C8orf82: variants seen among roughly 807,000 people sequenced by gnomAD.
The protein encoded by C8orf82 is chromosome 8 open reading frame 82, also known as UPF0598 protein C8orf82.
A neutral mutation model predicts 15.0 loss-of-function variants in C8orf82; 24 were observed. That is an observed-to-expected ratio of 1.60 (90% CI 1.16 to 2.24). The LOEUF is 2.24. C8orf82 is among the 30% of genes most tolerant of loss of function. The probability of loss-of-function intolerance (pLI) is 0.00; values close to 1 mark genes in which losing one functional copy is unlikely to be tolerated. For missense variants in C8orf82, 388 were observed against 317.4 expected, an observed-to-expected ratio of 1.22 and a Z score of -1.69; for synonymous variants, 205 against 152.2, an observed-to-expected ratio of 1.35 and a Z score of -2.55.
Position 144,527,206 on chromosome 8 carries a change from CG to C in C8orf82, c.*135del. ...GCCGCGGCAGCACCAAGGACAGCGC[CG>C]GGTGGGGGCGGGGCCGAGCGCGCAG... On this transcript the variant is annotated 3_prime_UTR_variant, in exon 3 of 3. Transcript: ENST00000524821. 1 of 524,080 alleles carries C rather than the reference CG, an allele frequency of 1.9e-6. No homozygotes were observed. Among genetic ancestry groups the C allele is most frequent in the Non-Finnish European group, 2.6e-6 (1 of 378,280 alleles). 32.5% of individuals were successfully genotyped at this position (524,080 alleles called of 1,614,324 possible).
chr8:144,527,484 G>A lies in C8orf82; in HGVS notation c.509C>T (p.Ser170Phe), dbSNP rs1816412381. Reference protein sequence around the residue: ...ERAGGVGLVRSALAFELSACF... With the variant: ...ERAGGVGLVRFALAFELSACF... ...GGCGCTGAGCTCGAAGGCCAGGGCG[G>A]AGCGCACCAGGCCCACGCCGCCCGC... The change falls in exon 3 of 3, where the codon TCC becomes TTC. Residue 170 changes from serine to phenylalanine, a missense_variant. Transcript: ENST00000524821. 2.4e-6 allele frequency: 3 copies of A among 1,259,940 alleles called. No individual in the cohort carries two copies. The highest frequency in any genetic ancestry group is 3.0e-6 in the Non-Finnish European group (3 of 1,001,316). The allele number at this position is 1,259,940 out of a possible 1,614,324, so 78.0% of individuals were successfully genotyped here.
intron 1 of C8orf82, 134 bp from the exon 2 acceptor site, chr8:144,528,206 G>T: frequency 6.7e-7 from 1 of 1,496,546 alleles, no homozygotes; most frequent in Non-Finnish European, 8.9e-7. Flanking sequence ...CACACCGCAT[G>T]CAGGGAGGCG....
At position 144,526,807 on chromosome 8, in the gene C8orf82, T is replaced by A. The variant is rs763622754; in HGVS notation, c.*535A>T. Reference sequence around the variant, plus strand: ...TGCTACCCACGAGAGCCGGTTGATTTTCGGCCGGGCTCAGGGAGGGCGTGG... The same window carrying A: ...TGCTACCCACGAGAGCCGGTTGATTATCGGCCGGGCTCAGGGAGGGCGTGG... On this transcript the variant is annotated 3_prime_UTR_variant, in exon 3 of 3. Coordinates refer to ENST00000524821, the MANE Select transcript of C8orf82 (RefSeq NM_001001795.2). 5.3e-5 allele frequency: 8 copies of A among 152,248 alleles called. No individual in the cohort carries two copies. Among genetic ancestry groups the A allele is most frequent in the Non-Finnish European group, 8.8e-5 (6 of 68,046 alleles). The allele number at this position is 152,248 out of a possible 1,614,324, so 9.4% of individuals were successfully genotyped here.
chr8:144,528,731 C>G, intron 1 of C8orf82, 30 bp downstream of exon 1: 1 of 1,282,482 alleles, frequency 7.8e-7, no homozygotes, highest in Middle Eastern at 3.0e-4. Flanking sequence ...CCGGCCCCGC[C>G]TCTCGAGCAA....
At position 144,526,636 on chromosome 8, in the gene C8orf82, C is replaced by T. The variant is rs913062328; in HGVS notation, c.*706G>A. 5 of 152,276 alleles carry T rather than the reference C, an allele frequency of 3.3e-5. No homozygotes were observed. Among genetic ancestry groups the T allele is most frequent in the African/African-American group, 1.2e-4 (5 of 41,456 alleles). The allele number at this position is 152,276 out of a possible 1,614,324, so 9.4% of individuals were successfully genotyped here. On this transcript the variant is annotated 3_prime_UTR_variant, in exon 3 of 3. Coordinates refer to ENST00000524821, the MANE Select transcript of C8orf82 (RefSeq NM_001001795.2). Reference sequence around the variant, plus strand: ...ACGACTGTCACTGCCTCCTGGGCGCCCCTCTGTGCGGGAGCGGGGAGGGAA... The same window carrying T: ...ACGACTGTCACTGCCTCCTGGGCGCTCCTCTGTGCGGGAGCGGGGAGGGAA...
intron 2 of C8orf82, 100 bp from the exon 3 acceptor site, chr8:144,527,887 TG>T: frequency 6.6e-7 from 1 of 1,518,224 alleles, no homozygotes; most frequent in Non-Finnish European, 9.1e-7. Context: ...GAGGTTCGCC[TG>T]GCCTCACTCA....
chr8:144,528,975 C>G lies in C8orf82; in HGVS notation c.-59G>C. ...CGCCGGGGGCGGTGCTGCGCGAACT[C>G]GCGCCTGCCCGCAGTAGCCCCGCGC... On this transcript the variant is annotated 5_prime_UTR_variant, in exon 1 of 3. Transcript: ENST00000524821. The G allele has an allele frequency of 7.0e-7, 1 of 1,433,604 alleles. No individual in the cohort carries two copies. The highest frequency in any genetic ancestry group is 9.1e-7 in the Non-Finnish European group (1 of 1,097,196). The allele number at this position is 1,433,604 out of a possible 1,614,324, so 88.8% of individuals were successfully genotyped here.
In C8orf82 at chr8:144,527,254, G is replaced by A. The variant is rs1186697398; in HGVS notation, c.*88C>T. On this transcript the variant is annotated 3_prime_UTR_variant, in exon 3 of 3. Transcript: ENST00000524821. The stretch of plus-strand genomic sequence containing the variant: ...GCAGGCGCACTAGGCTGCCGCGAGC[G>A]CGGGTGGCGCGGGCTTTCCGGGGCG... The A allele has an allele frequency of 6.4e-6, 6 of 936,918 alleles. No homozygotes were observed. Among genetic ancestry groups the A allele is most frequent in the East Asian group, 4.8e-5 (1 of 20,932 alleles). 58.0% of individuals were successfully genotyped at this position (936,918 alleles called of 1,614,324 possible).
chr8:144,526,675 CCT>C lies in C8orf82; in HGVS notation c.*665_*666del, dbSNP rs1816372885. The stretch of plus-strand genomic sequence containing the variant: ...GCGGGGAGGGAAGAGGATGGAACGC[CCT>C]GTGTCTGCCTCGGGCGCAGTGCGAG... On this transcript the variant is annotated 3_prime_UTR_variant, in exon 3 of 3. Coordinates refer to ENST00000524821, the MANE Select transcript of C8orf82 (RefSeq NM_001001795.2). 6.6e-6 allele frequency: 1 copy of C among 152,244 alleles called. No homozygotes were observed. The highest frequency in any genetic ancestry group is 1.5e-5 in the Non-Finnish European group (1 of 68,050). 9.4% of individuals were successfully genotyped at this position (152,244 alleles called of 1,614,324 possible). A position where few individuals can be genotyped will look rare whatever the true frequency, so the allele number is the denominator to read the frequency against.
rs752309142 is a variant in C8orf82, at chr8:144,528,275, C to T, written c.157-203G>A. 2.0e-6 allele frequency: 3 copies of T among 1,506,232 alleles called. No homozygotes were observed. The South Asian group carries it at 3.7e-5, about 19-fold the overall frequency. 93.3% of individuals were successfully genotyped at this position (1,506,232 alleles called of 1,614,324 possible). A position where few individuals can be genotyped will look rare whatever the true frequency, so the allele number is the denominator to read the frequency against. On this transcript the variant is annotated intron_variant, in intron 1 of 2. Transcript: ENST00000524821. The stretch of plus-strand genomic sequence containing the variant: ...ATCCGCGTCTATGCGCACCTCTGCT[C>T]CCTGGTCAGCCAATTCTTTCCCGCA...
chr8:144,528,449 G>A (rs559158836), intron 1 of C8orf82: 7 of 1,480,396 alleles, frequency 4.7e-6, no homozygotes, highest in South Asian at 1.2e-5. Context: ...GCAGCGGCGA[G>A]AAGTCAGCGC....
intron 1 of C8orf82, chr8:144,528,481 C>A: frequency 1.4e-6 from 2 of 1,462,294 alleles, no homozygotes; most frequent in African/African-American, 1.4e-5. Flanking sequence ...ACTTGTAGGA[C>A]AGAGTCCGAA....
At chr8:144,528,185 GCTTGTCTGTGCACA>G (rs1816451990) in intron 1 of C8orf82, 113 bp from the exon 2 acceptor site, 2 of 1,530,804 alleles carry the variant, frequency 1.3e-6, no homozygotes, top group East Asian at 4.6e-5. Context: ...CACTTTTCCT[GCTTGTCTGTGCACA>G]CCGCATGCAG....
Position 144,528,248 on chromosome 8 carries a change from T to C in C8orf82, c.157-176A>G, listed in dbSNP as rs1242649645. ...AGGTAAACCTGGGGGCCCCGCCGAC[T>C]TATCCGCGTCTATGCGCACCTCTGC... On this transcript the variant is annotated intron_variant, in intron 1 of 2. Coordinates refer to ENST00000524821, the MANE Select transcript of C8orf82 (RefSeq NM_001001795.2). 19 of 1,489,952 alleles carry C rather than the reference T, an allele frequency of 1.3e-5. No individual in the cohort carries two copies. In the Admixed American group the frequency reaches 4.2e-4, roughly 33 times the overall value. The allele number at this position is 1,489,952 out of a possible 1,614,324, so 92.3% of individuals were successfully genotyped here.
chr8:144,527,523 G>GGGTGGTACAGGCGCCC lies in C8orf82; in HGVS notation c.454_469dup (p.Pro157ArgfsTer101), dbSNP rs1326044866. The stretch of plus-strand genomic sequence containing the variant: ...CACGCCGCCCGCACGCTCCGGCGCC[G>GGGTGGTACAGGCGCCC]GGTGGTACAGGCGCCCGTTGGCGGC... On this transcript the variant is annotated frameshift_variant, in exon 3 of 3. Coordinates refer to ENST00000524821, the MANE Select transcript of C8orf82 (RefSeq NM_001001795.2). LOFTEE classifies it high-confidence loss of function. The GGGTGGTACAGGCGCCC allele has an allele frequency of 2.0e-5, 27 of 1,362,138 alleles. No individual in the cohort carries two copies. The African/African-American group carries it at 3.9e-4, about 20-fold the overall frequency. 84.4% of individuals were successfully genotyped at this position (1,362,138 alleles called of 1,614,324 possible).
In C8orf82 at chr8:144,528,074, TGCAGATAGAGGGCCA is replaced by T. The variant is rs753722422; in HGVS notation, c.157-17_157-3del. On this transcript the variant is annotated splice_region_variant and splice_polypyrimidine_tract_variant and intron_variant, in intron 1 of 2. Transcript: ENST00000524821. ...CATTTTGGAATCATCCAGGAAAAGC[TGCAGATAGAGGGCCA>T]GGCCGTGATAAGTCCCAGCGTGCAG... 233 of 1,612,602 alleles carry T rather than the reference TGCAGATAGAGGGCCA, an allele frequency of 1.4e-4. No homozygotes were observed. The highest frequency in any genetic ancestry group is 5.7e-4 in the Admixed American group (34 of 60,000).
At chr8:144,528,616 C>CCGGGGGGGGGGGG in intron 1 of C8orf82, 145 bp downstream of exon 1, 6 of 296,002 alleles carry the variant, frequency 2.0e-5, no homozygotes, top group Non-Finnish European at 3.1e-5. Flanking sequence ...GCGCAGGCCC[C>CCGGGGGGGGGGGG]GCCCACCCAC....
In C8orf82 at chr8:144,527,344, A is replaced by T; in HGVS notation, c.649T>A (p.Ter217ArgextTer151). 1 of 1,189,226 alleles carries T rather than the reference A, an allele frequency of 8.4e-7. No homozygotes were observed. Among genetic ancestry groups the T allele is most frequent in the Non-Finnish European group, 1.0e-6 (1 of 957,818 alleles). 73.7% of individuals were successfully genotyped at this position (1,189,226 alleles called of 1,614,324 possible). A position where few individuals can be genotyped will look rare whatever the true frequency, so the allele number is the denominator to read the frequency against. The part of the protein sequence containing the change: ...APLLLAARSP[*>R] ...TCCCGCCTTTCCCTTGGCCCCGCTC[A>T]GGGCGACCGAGCCGCGAGCAGCAGC... is the stretch of plus-strand genomic sequence containing the variant. The change falls in exon 3 of 3, where the codon TGA becomes AGA. Residue 217 changes from the stop codon to arginine, a stop_lost. Coordinates refer to ENST00000524821, the MANE Select transcript of C8orf82 (RefSeq NM_001001795.2).
Position 144,527,088 on chromosome 8 carries a change from C to G in C8orf82, c.*254G>C, listed in dbSNP as rs1246960472. ...AGAGCCCCGCGCCCGCCGCCAGTGC[C>G]TGACGTCTCGAGCGCAGGCCAATCC... On this transcript the variant is annotated 3_prime_UTR_variant, in exon 3 of 3. Transcript: ENST00000524821. 2 of 179,440 alleles carry G rather than the reference C, an allele frequency of 1.1e-5. No homozygotes were observed. The highest frequency in any genetic ancestry group is 4.8e-5 in the African/African-American group (2 of 42,000). 11.1% of individuals were successfully genotyped at this position (179,440 alleles called of 1,614,324 possible).
Sources: gnomAD v4.1 joint callset for allele counts on GRCh38, gnomAD v4.1.1 for gene constraint, MANE v1.5 for transcripts, NCBI Gene and HGNC (gene_info 2026-07-23, HGNC 2026-07-21) for gene names.